The following TTC28 variants were observed in gnomAD, a reference collection of about 807,000 sequenced individuals.
TTC28 encodes tetratricopeptide repeat protein 28.
A neutral mutation model predicts 198.0 loss-of-function variants in TTC28; 61 were observed. The ratio of observed to expected loss-of-function variants is 0.31; its 90% CI spans 0.25 to 0.38. TTC28 has a LOEUF of 0.38. TTC28 is among the 10% of genes least tolerant of loss of function. The probability of loss-of-function intolerance (pLI) is 1.00; values close to 1 mark genes in which losing one functional copy is unlikely to be tolerated. For missense variants in TTC28, 2,678 were observed against 3,164.0 expected (o/e 0.85, Z 3.69); for synonymous variants, 1,171 against 1,297.8 (o/e 0.90, Z 2.10).
rs148049625 is a variant in TTC28, at chr22:28,623,046, C to T, written c.381+6506G>A. Among the ~76,000 whole-genome samples, 330 of 152,142 alleles carry T rather than the reference C, an allele frequency of 2.2e-3. 2 individuals carry two copies. Among genetic ancestry groups the T allele is most frequent in the African/African-American group, 7.7e-3 (321 of 41,514 alleles). On this transcript the variant is annotated intron_variant, in intron 2 of 22. Coordinates refer to ENST00000397906, the MANE Select transcript of TTC28 (RefSeq NM_001145418.2). ...CCATGTTGGCCAGGCTGGTCTCGAA[C>T]TCCTAACCTCAGGTGATCCACCCAC...
At chr22:27,990,895 G>A in intron 19 of TTC28, 83 bp from the exon 20 acceptor site, 2 of 1,398,186 alleles carry the variant, frequency 1.4e-6, no homozygotes, top group Non-Finnish European at 1.9e-6. Context: ...TATGCAACAT[G>A]AGCTGATCAC....
At chr22:28,237,089 A>T (rs1463225856) in intron 5 of TTC28, among the ~76,000 whole-genome samples, 1 of 151,594 alleles carries the variant, frequency 6.6e-6, no homozygotes, top group Non-Finnish European at 1.5e-5. Flanking sequence ...ATTTTTTAGG[A>T]TCTAATTTTA....
chr22:28,157,991 T>C (rs1463977440), intron 6 of TTC28, among the ~76,000 whole-genome samples: 1 of 152,030 alleles, frequency 6.6e-6, no homozygotes, highest in Non-Finnish European at 1.5e-5. Flanking sequence ...TGTTTGCAGA[T>C]GACATGATAT....
intron 6 of TTC28, among the ~76,000 whole-genome samples, chr22:28,128,313 G>A (rs931971685): frequency 5.0e-4 from 75 of 150,618 alleles, no homozygotes; most frequent in African/African-American, 1.8e-3. Flanking sequence ...GCAAGACTCC[G>A]TCTCAAAAAA....
chr22:28,009,052 T>C (rs1037658281), intron 14 of TTC28, among the ~76,000 whole-genome samples: 2 of 152,194 alleles, frequency 1.3e-5, no homozygotes, highest in Non-Finnish European at 2.9e-5. Flanking sequence ...TTTAGTGACA[T>C]TTTCTCCTTT....
rs1432519273 is a variant in TTC28, at chr22:27,983,460, G to A, written c.6207C>T (p.Thr2069=). The A allele has an allele frequency of 6.5e-7, 1 of 1,544,998 alleles. No individual in the cohort carries two copies. Among genetic ancestry groups the A allele is most frequent in the Non-Finnish European group, 8.7e-7 (1 of 1,145,498 alleles). The change falls in exon 23 of 23, where the codon ACC becomes ACT. Residue 2069 remains threonine (T), a synonymous_variant. Coordinates refer to ENST00000397906, the MANE Select transcript of TTC28 (RefSeq NM_001145418.2). ...FSIISNEPLA[T]YQENRNTCFS... ...AGCATGTGTTTCGGTTTTCTTGGTA[G>A]GTCGCCAAGGGCTCGTTACTGATGA...
At chr22:28,373,387 G>A (rs1353193058) in intron 2 of TTC28, among the ~76,000 whole-genome samples, 1 of 152,094 alleles carries the variant, frequency 6.6e-6, no homozygotes, top group Admixed American at 6.5e-5. Flanking sequence ...CCAAATCAAG[G>A]GGAATATGCT....
At chr22:28,472,286 A>G (rs2048105980) in intron 2 of TTC28, among the ~76,000 whole-genome samples, 1 of 152,244 alleles carries the variant, frequency 6.6e-6, no homozygotes, top group Non-Finnish European at 1.5e-5. Flanking sequence ...AATGGTTGCT[A>G]TTATCTTTAT....
At chr22:28,316,611 GATTT>G (rs1223890549) in intron 2 of TTC28, among the ~76,000 whole-genome samples, 2 of 151,928 alleles carry the variant, frequency 1.3e-5, no homozygotes, top group Non-Finnish European at 2.9e-5. Flanking sequence ...TTTTCATTTT[GATTT>G]ATTTCATGAG....
At chr22:28,126,036 T>C (rs1214833950) in intron 6 of TTC28, among the ~76,000 whole-genome samples, 3 of 152,180 alleles carry the variant, frequency 2.0e-5, no homozygotes, top group African/African-American at 7.2e-5. Flanking sequence ...TGAAAGACAC[T>C]GTACCCCTGA....
Position 28,025,579 on chromosome 22 carries a change from G to A in TTC28, c.4073+4647C>T, listed in dbSNP as rs149087333. Among the ~76,000 whole-genome samples, 70 of 152,284 alleles carry A rather than the reference G, an allele frequency of 4.6e-4. No individual in the cohort carries two copies. The East Asian group carries it at 4.6e-3, about 10-fold the overall frequency. On this transcript the variant is annotated intron_variant, in intron 13 of 22. Transcript: ENST00000397906. ...CTAAAGCAGGGTGGCCCACATGTAC[G>A]TTCATAAAAAACCACAGCCTGGCCA...
intron 6 of TTC28, among the ~76,000 whole-genome samples, chr22:28,129,641 C>A (rs543820876): frequency 4.7e-4 from 72 of 152,306 alleles, no homozygotes; most frequent in Non-Finnish European, 5.9e-5. Context: ...GAGTGCCTGG[C>A]GCACAGTGTA....
At chr22:28,561,573 T>C (rs985264312) in intron 2 of TTC28, among the ~76,000 whole-genome samples, 2 of 152,198 alleles carry the variant, frequency 1.3e-5, no homozygotes, top group African/African-American at 4.8e-5. Context: ...TTAATAGATA[T>C]AATGTCATTC....
chr22:28,194,552 G>T (rs999757621), intron 5 of TTC28, among the ~76,000 whole-genome samples: 2 of 151,974 alleles, frequency 1.3e-5, no homozygotes, highest in African/African-American at 4.8e-5. Context: ...TAATAAAGAA[G>T]AAAAGAGAGA....
At chr22:28,422,461 C>T (rs1475638225) in intron 2 of TTC28, among the ~76,000 whole-genome samples, 14 of 149,604 alleles carry the variant, frequency 9.4e-5, no homozygotes, top group African/African-American at 3.0e-4. Context: ...TTTTTTGAGA[C>T]GGAGTCTCGC....
At chr22:28,201,710 G>A (rs1170743379) in intron 5 of TTC28, among the ~76,000 whole-genome samples, 3 of 146,730 alleles carry the variant, frequency 2.0e-5, no homozygotes, top group African/African-American at 7.6e-5. Flanking sequence ...AAAAAAGAGT[G>A]TGGTCTAATT....
chr22:28,054,319 G>A lies in TTC28; in HGVS notation c.3933-23953C>T, dbSNP rs549657372. Among the ~76,000 whole-genome samples the A allele has an allele frequency of 4.6e-5, 7 of 152,302 alleles. No individual in the cohort carries two copies. The East Asian group carries it at 1.2e-3, about 25-fold the overall frequency. Reference sequence around the variant, plus strand: ...TTTGAAGACATGGAAATATCAGGCCGAGGCAGTGCCAATGGTCCCTCCCAG... The same window carrying A: ...TTTGAAGACATGGAAATATCAGGCCAAGGCAGTGCCAATGGTCCCTCCCAG... On this transcript the variant is annotated intron_variant, in intron 12 of 22. Coordinates refer to ENST00000397906, the MANE Select transcript of TTC28 (RefSeq NM_001145418.2).
intron 2 of TTC28, among the ~76,000 whole-genome samples, chr22:28,530,945 T>C (rs1406434503): frequency 1.3e-5 from 2 of 152,188 alleles, no homozygotes; most frequent in African/African-American, 4.8e-5. Flanking sequence ...TACCAGCCAC[T>C]GCAAAAACAT....
chr22:28,533,738 C>G (rs567418966), intron 2 of TTC28, among the ~76,000 whole-genome samples: 1 of 152,176 alleles, frequency 6.6e-6, no homozygotes, highest in East Asian at 1.9e-4. Flanking sequence ...CAAAACAGAG[C>G]CCTCTGAAAT....
Sources: gnomAD v4.1 joint callset for allele counts (sites outside exome capture counted in the v4.1 genomes callset) on GRCh38, gnomAD v4.1.1 for gene constraint, MANE v1.5 for transcripts, NCBI Gene and HGNC (gene_info 2026-07-23, HGNC 2026-07-21) for gene names.